LRRC69: variants seen among roughly 807,000 people sequenced by gnomAD.
LRRC69 encodes the protein leucine rich repeat containing 69.
A neutral mutation model predicts 37.8 loss-of-function variants in LRRC69; 42 were observed. The observed-to-expected ratio is 1.11, with a 90% confidence interval of 0.87 to 1.44. The LOEUF (loss-of-function observed/expected upper bound fraction) is 1.44. LRRC69 is among the 40% of genes most tolerant of loss of function. The pLI is 0.00. For missense variants in LRRC69, 357 were observed against 401.9 expected, an observed-to-expected ratio of 0.89 and a Z score of 0.96; for synonymous variants, 141 against 143.1, an observed-to-expected ratio of 0.99 and a Z score of 0.11.
intron 5 of LRRC69, among the ~76,000 whole-genome samples, chr8:91,137,293 C>T (rs1176511127): frequency 6.6e-6 from 1 of 151,970 alleles, no homozygotes; most frequent in Non-Finnish European, 1.5e-5. Flanking sequence ...ACCCCTGGTG[C>T]CACTGCTACT....
intron 1 of LRRC69, among the ~76,000 whole-genome samples, chr8:91,119,953 T>C (rs1813588592): frequency 6.6e-6 from 1 of 152,014 alleles, no homozygotes; most frequent in South Asian, 2.1e-4. Context: ...AGTGTCCCCA[T>C]ATTTAAGGCA....
chr8:91,107,789 G>A (rs1375316274), intron 1 of LRRC69, among the ~76,000 whole-genome samples: 1 of 152,034 alleles, frequency 6.6e-6, no homozygotes, highest in Non-Finnish European at 1.5e-5. Flanking sequence ...ATGGGTTAAT[G>A]TCCTATAATT....
chr8:91,149,456 G>A (rs1051978876), intron 5 of LRRC69, among the ~76,000 whole-genome samples: 2 of 151,852 alleles, frequency 1.3e-5, no homozygotes, highest in African/African-American at 4.8e-5. Context: ...CTCTGTTTTG[G>A]TACCAGTACC....
chr8:91,116,129 A>G (rs193151446), intron 1 of LRRC69, among the ~76,000 whole-genome samples: 2 of 152,096 alleles, frequency 1.3e-5, no homozygotes, highest in East Asian at 3.9e-4. Flanking sequence ...ATATGTATGT[A>G]TGTGTGTATG....
chr8:91,177,272 AG>A lies in LRRC69; in HGVS notation c.652-12249del, dbSNP rs531577061. ...AATTCTAAAAAGGGTAAATGTTATC[AG>A]AGTTTTAAGAGAAATTTTGGTATTC... On this transcript the variant is annotated intron_variant, in intron 5 of 7. Transcript: ENST00000448384. 5.5e-3 allele frequency among the ~76,000 whole-genome samples: 832 copies of A among 152,302 alleles called. 11 individuals are homozygous for A. Among genetic ancestry groups the A allele is most frequent in the African/African-American group, 0.019 (807 of 41,560 alleles).
intron 1 of LRRC69, among the ~76,000 whole-genome samples, chr8:91,103,191 T>C (rs1813251412): frequency 6.6e-6 from 1 of 152,136 alleles, no homozygotes; most frequent in Non-Finnish European, 1.5e-5. Flanking sequence ...GGAAGTAGTT[T>C]TGAGGATCCA....
intron 7 of LRRC69, among the ~76,000 whole-genome samples, chr8:91,216,660 T>C (rs1454800596): frequency 3.3e-5 from 5 of 152,162 alleles, no homozygotes; most frequent in African/African-American, 1.2e-4. Context: ...AGACCATATT[T>C]AGCCTGTCTT....
chr8:91,108,308 AAAC>A (rs1813354587), intron 1 of LRRC69, among the ~76,000 whole-genome samples: 1 of 152,064 alleles, frequency 6.6e-6, no homozygotes, highest in East Asian at 1.9e-4. Flanking sequence ...TTCATACATT[AAAC>A]AACTAGTTAT....
At chr8:91,197,159 T>G (rs2130622764) in intron 6 of LRRC69, among the ~76,000 whole-genome samples, 1 of 152,052 alleles carries the variant, frequency 6.6e-6, no homozygotes, top group East Asian at 1.9e-4. Context: ...TACTCGGGGG[T>G]CAGGGGTCAG....
chr8:91,129,937 G>A (rs1172188519), intron 3 of LRRC69, among the ~76,000 whole-genome samples: 4 of 151,770 alleles, frequency 2.6e-5, no homozygotes, highest in African/African-American at 9.7e-5. Flanking sequence ...AAATATAATG[G>A]CCTTTTTTTT....
intron 7 of LRRC69, among the ~76,000 whole-genome samples, chr8:91,209,321 C>T (rs1348883349): frequency 1.3e-5 from 2 of 152,010 alleles, no homozygotes; most frequent in African/African-American, 2.4e-5. Flanking sequence ...CCCAGCTACT[C>T]GGGAGACTGA....
chr8:91,184,516 T>C (rs577434869), intron 5 of LRRC69, among the ~76,000 whole-genome samples: 1 of 152,314 alleles, frequency 6.6e-6, no homozygotes, highest in South Asian at 2.1e-4. Context: ...GCTAAAAGAA[T>C]GTATCCTTCA....
chr8:91,175,367 T>A (rs1809205738), intron 5 of LRRC69, among the ~76,000 whole-genome samples: 1 of 152,168 alleles, frequency 6.6e-6, no homozygotes, highest in Non-Finnish European at 1.5e-5. Context: ...TGCTTATACC[T>A]TTTTTCTACT....
At chr8:91,178,358 C>A (rs1473293056) in intron 5 of LRRC69, among the ~76,000 whole-genome samples, 1 of 152,146 alleles carries the variant, frequency 6.6e-6, no homozygotes, top group Non-Finnish European at 1.5e-5. Flanking sequence ...AAAACAACAG[C>A]TTTGATAACT....
chr8:91,196,394 C>G (rs1317468892), intron 6 of LRRC69, among the ~76,000 whole-genome samples: 1 of 151,800 alleles, frequency 6.6e-6, no homozygotes, highest in African/African-American at 2.4e-5. Flanking sequence ...GTTGGCCTGC[C>G]TTGCTAGATT....
chr8:91,148,588 G>A (rs983398812), intron 5 of LRRC69, among the ~76,000 whole-genome samples: 3 of 151,904 alleles, frequency 2.0e-5, no homozygotes, highest in African/African-American at 4.8e-5. Flanking sequence ...AATCCTTTGG[G>A]TATATAACCA....
intron 1 of LRRC69, among the ~76,000 whole-genome samples, chr8:91,122,679 T>G (rs1813650098): frequency 6.6e-6 from 1 of 152,050 alleles, no homozygotes; most frequent in Admixed American, 6.6e-5. Flanking sequence ...TTCTTGCGTA[T>G]CTCGCCAGTC....
chr8:91,129,586 T>A (rs527789674), intron 3 of LRRC69, among the ~76,000 whole-genome samples: 2 of 151,934 alleles, frequency 1.3e-5, no homozygotes, highest in African/African-American at 4.8e-5. Context: ...TAAAAATGAT[T>A]AATGAAGAAA....
chr8:91,170,281 T>G (rs1809104517), intron 5 of LRRC69, among the ~76,000 whole-genome samples: 1 of 79,696 alleles, frequency 1.3e-5, no homozygotes, highest in South Asian at 4.4e-4. Flanking sequence ...CCAGTGATGA[T>G]GAGCATTTTT....
Sources: allele counts gnomAD v4.1 joint callset (sites outside exome capture counted in the v4.1 genomes callset), GRCh38; gene constraint gnomAD v4.1.1; transcripts MANE v1.5; gene names NCBI Gene and HGNC (gene_info 2026-07-23, HGNC 2026-07-21).